The following CSMD3 variants were observed in gnomAD, a reference collection of about 807,000 sequenced individuals.
CSMD3 encodes CUB and sushi domain-containing protein 3.
In CSMD3, 177 loss-of-function variants were observed where a neutral mutation model predicts 435.2. The ratio of observed to expected loss-of-function variants is 0.41; its 90% CI spans 0.36 to 0.46. The LOEUF (loss-of-function observed/expected upper bound fraction) is 0.46, where lower values mean the gene tolerates loss of function less well. Among genes scored for constraint, CSMD3 ranks in the 20% least tolerant of loss-of-function variants. The pLI, the probability that CSMD3 is intolerant of heterozygous loss-of-function variation, is 0.34. For synonymous variants in CSMD3, 1,656 were observed against 1,520.5 expected, an observed-to-expected ratio of 1.09 and a Z score of -2.07; for missense variants, 4,265 against 4,504.6, an observed-to-expected ratio of 0.95 and a Z score of 1.52.
intron 13 of CSMD3, among the ~76,000 whole-genome samples, chr8:112,793,152 A>T (rs1015200884): frequency 1.2e-4 from 17 of 147,578 alleles, no homozygotes; most frequent in African/African-American, 4.2e-4. Context: ...ATTACATATT[A>T]AATTAATATA....
intron 43 of CSMD3, 54 bp downstream of exon 43, chr8:112,337,489 A>T (rs1415552277): frequency 7.0e-7 from 1 of 1,425,094 alleles, no homozygotes; most frequent in African/African-American, 1.4e-5. Context: ...GTGCCAAAAC[A>T]ATATTAAAAA....
chr8:112,581,716 T>C (rs1456577240), intron 23 of CSMD3, among the ~76,000 whole-genome samples: 1 of 152,106 alleles, frequency 6.6e-6, no homozygotes, highest in East Asian at 1.9e-4. Context: ...TGCTGTCTTA[T>C]AGCATGCGTT....
intron 2 of CSMD3, among the ~76,000 whole-genome samples, chr8:113,300,457 T>C (rs2093757167): frequency 6.6e-6 from 1 of 152,192 alleles, no homozygotes; most frequent in Admixed American, 6.5e-5. Context: ...TCAACAGTTA[T>C]GTGGTTAAAG....
At chr8:112,990,612 C>T (rs1423858447) in intron 6 of CSMD3, among the ~76,000 whole-genome samples, 2 of 151,616 alleles carry the variant, frequency 1.3e-5, no homozygotes. Context: ...CAAACAGAGG[C>T]CTGTATTGTA....
chr8:113,136,588 C>G (rs113883109), intron 4 of CSMD3, among the ~76,000 whole-genome samples: 1 of 151,548 alleles, frequency 6.6e-6, no homozygotes, highest in Non-Finnish European at 1.5e-5. Flanking sequence ...TAAATGATCA[C>G]GGCGACATAG....
chr8:112,975,709 C>A, intron 7 of CSMD3, 128 bp downstream of exon 7: 2 of 1,401,278 alleles, frequency 1.4e-6, no homozygotes, highest in Non-Finnish European at 2.0e-6. Context: ...TATTTTTCAG[C>A]TACTTTGAAC....
chr8:113,398,204 C>G (rs1051536323), intron 1 of CSMD3, among the ~76,000 whole-genome samples: 7 of 152,164 alleles, frequency 4.6e-5, no homozygotes, highest in Non-Finnish European at 1.0e-4. Context: ...GCTTATTAAT[C>G]CATCTGAAAT....
intron 27 of CSMD3, among the ~76,000 whole-genome samples, chr8:112,546,981 G>GA (rs1471243146): frequency 1.3e-5 from 2 of 151,590 alleles, no homozygotes; most frequent in Non-Finnish European, 3.0e-5. Flanking sequence ...CATTGGTGAA[G>GA]ACTGTTCTGC....
chr8:112,594,436 G>T (rs558662365), intron 22 of CSMD3, among the ~76,000 whole-genome samples: 1 of 152,184 alleles, frequency 6.6e-6, no homozygotes, highest in Non-Finnish European at 1.5e-5. Context: ...CAGCCAGGCT[G>T]GGGGAGGGGC....
At chr8:112,976,651 C>G (rs917779030) in intron 6 of CSMD3, among the ~76,000 whole-genome samples, 3 of 151,458 alleles carry the variant, frequency 2.0e-5, no homozygotes, top group Admixed American at 2.0e-4. Context: ...AAAATGAAAA[C>G]AAATGATGAA....
chr8:112,714,181 T>A (rs2076672888), intron 13 of CSMD3, among the ~76,000 whole-genome samples: 1 of 151,998 alleles, frequency 6.6e-6, no homozygotes. Context: ...GAGACCCATC[T>A]TATGTGCACA....
intron 13 of CSMD3, among the ~76,000 whole-genome samples, chr8:112,782,592 G>C (rs1485637228): frequency 6.6e-6 from 1 of 151,940 alleles, no homozygotes; most frequent in Admixed American, 6.6e-5. Flanking sequence ...AGTGCTAGAA[G>C]GTTATAAAAC....
intron 47 of CSMD3, among the ~76,000 whole-genome samples, chr8:112,318,350 T>C (rs1171634744): frequency 1.3e-5 from 2 of 152,046 alleles, no homozygotes; most frequent in East Asian, 3.9e-4. Context: ...GACTGCCATA[T>C]CCCTTTTCCA....
intron 1 of CSMD3, among the ~76,000 whole-genome samples, chr8:113,390,139 T>C (rs1294718985): frequency 6.6e-6 from 1 of 151,846 alleles, no homozygotes; most frequent in Non-Finnish European, 1.5e-5. Flanking sequence ...AATATAAGAT[T>C]CTCTCCATTC....
chr8:112,954,866 C>A, intron 7 of CSMD3, 105 bp from the exon 8 acceptor site: 1 of 732,740 alleles, frequency 1.4e-6, no homozygotes, highest in Non-Finnish European at 2.4e-6. Flanking sequence ...ATAAAGAAAC[C>A]ACTTTCTTAA....
chr8:112,553,486 A>G (rs767605652), intron 25 of CSMD3, among the ~76,000 whole-genome samples: 2 of 152,082 alleles, frequency 1.3e-5, no homozygotes, highest in Non-Finnish European at 2.9e-5. Flanking sequence ...TTTAGTTAGC[A>G]TATTGCTCTA....
intron 32 of CSMD3, among the ~76,000 whole-genome samples, chr8:112,410,585 C>T (rs1184224087): frequency 8.1e-5 from 6 of 74,040 alleles, no homozygotes; most frequent in Non-Finnish European, 1.6e-4. Context: ...TATATACATA[C>T]ATATGTATAT....
chr8:112,258,660 C>T (rs924786276), intron 61 of CSMD3, among the ~76,000 whole-genome samples: 13 of 152,126 alleles, frequency 8.5e-5, no homozygotes, highest in African/African-American at 2.2e-4. Flanking sequence ...GAAATAGGAA[C>T]GCTTTTACAC....
At chr8:112,884,186 C>G (rs2081525367) in intron 10 of CSMD3, among the ~76,000 whole-genome samples, 1 of 151,870 alleles carries the variant, frequency 6.6e-6, no homozygotes, top group Non-Finnish European at 1.5e-5. Context: ...TATCTCCTTA[C>G]TCTATCTTTT....
Sources: gnomAD v4.1 joint callset for allele counts (sites outside exome capture counted in the v4.1 genomes callset) on GRCh38, gnomAD v4.1.1 for gene constraint, MANE v1.5 for transcripts, NCBI Gene and HGNC (gene_info 2026-07-23, HGNC 2026-07-21) for gene names.